The following VWDE variants were observed in gnomAD, a reference collection of about 807,000 sequenced individuals.
VWDE encodes the protein von Willebrand factor D and EGF domain-containing protein.
A neutral mutation model predicts 178.4 loss-of-function variants in VWDE; 207 were observed. The observed-to-expected ratio is 1.16, with a 90% confidence interval of 1.04 to 1.30. VWDE has a LOEUF of 1.30. Ranked by LOEUF, VWDE falls within the 50% of genes most tolerant of loss-of-function variation. VWDE has a pLI of 0.00. For synonymous variants in VWDE, 738 were observed against 651.4 expected (o/e 1.13, Z -2.02); for missense variants, 2,287 against 1,901.3 (o/e 1.20, Z -3.77).
rs1783442789 is a variant in VWDE at position 12,375,043 on chromosome 7, G to A, written c.1209C>T (p.Phe403=). 2 of 1,551,040 alleles carry A rather than the reference G, an allele frequency of 1.3e-6. No homozygotes were observed. The highest frequency in any genetic ancestry group is 1.2e-5 in the South Asian group (1 of 84,050). The change falls in exon 8 of 29, where the codon TTC becomes TTT. Residue 403 remains phenylalanine (F), a synonymous_variant. Transcript: ENST00000275358. ...TGTCTGGAATGTAGTTGTTCCACAGGAAATCCTCATTAACTATTGGTTGCA... is the reference window on the plus strand; with the variant it reads ...TGTCTGGAATGTAGTTGTTCCACAGAAAATCCTCATTAACTATTGGTTGCA... ...IVVQPIVNED[F]LWNNYIPDSI... is the part of the protein sequence containing the mutation.
In VWDE at chr7:12,361,354, T is replaced by C; in HGVS notation, c.3054+12A>G. 6.5e-7 allele frequency: 1 copy of C among 1,545,734 alleles called. No homozygotes were observed. Among genetic ancestry groups the C allele is most frequent in the Non-Finnish European group, 8.7e-7 (1 of 1,144,864 alleles). ...TTGTTTATAAATATGAAGATGTCTT[T>C]TTATTTTTTACCTTCAACTGCCACT... On this transcript the variant is annotated intron_variant, in intron 14 of 28. Coordinates refer to ENST00000275358, the MANE Select transcript of VWDE (RefSeq NM_001135924.3).
intron 7 of VWDE, among the ~76,000 whole-genome samples, chr7:12,376,110 A>G (rs1329364950): frequency 6.6e-6 from 1 of 152,000 alleles, no homozygotes; most frequent in Non-Finnish European, 1.5e-5. Context: ...TTTTTTAGAA[A>G]TATATACTTT....
intron 24 of VWDE, among the ~76,000 whole-genome samples, chr7:12,339,443 T>C (rs1485865718): frequency 6.6e-6 from 1 of 152,158 alleles, no homozygotes; most frequent in Non-Finnish European, 1.5e-5. Flanking sequence ...CTTTACTTCT[T>C]TCTGTTTCTC....
chr7:12,355,985 A>C (rs1303163876), intron 18 of VWDE, 126 bp downstream of exon 18: 2 of 771,104 alleles, frequency 2.6e-6, no homozygotes, highest in African/African-American at 1.8e-5. Context: ...TATTTGTAAT[A>C]ACTTTTATTA....
chr7:12,374,891 T>C, intron 8 of VWDE, 119 bp downstream of exon 8: 8 of 1,186,288 alleles, frequency 6.7e-6, no homozygotes, highest in Non-Finnish European at 9.3e-6. Context: ...GAAAATTGAA[T>C]CATTTAAAAA....
chr7:12,341,935 C>A (rs1781354998), intron 23 of VWDE, 124 bp downstream of exon 23: 2 of 628,730 alleles, frequency 3.2e-6, no homozygotes, highest in Non-Finnish European at 5.3e-6. Flanking sequence ...TCTGAAATAA[C>A]AACTTCATAC....
chr7:12,399,805 G>C (rs1188326608), intron 1 of VWDE, among the ~76,000 whole-genome samples: 1 of 151,880 alleles, frequency 6.6e-6, no homozygotes, highest in Non-Finnish European at 1.5e-5. Context: ...AACATAGTAA[G>C]ATCCTATTTC....
At chr7:12,372,738 C>T (rs1189636007) in intron 10 of VWDE, among the ~76,000 whole-genome samples, 1 of 151,928 alleles carries the variant, frequency 6.6e-6, no homozygotes, top group East Asian at 1.9e-4. Flanking sequence ...ATGAATAATC[C>T]ACCAAGTTGT....
chr7:12,357,779 C>T (rs1583299487), intron 16 of VWDE, among the ~76,000 whole-genome samples: 1 of 151,944 alleles, frequency 6.6e-6, no homozygotes, highest in Non-Finnish European at 1.5e-5. Flanking sequence ...TATATAAATA[C>T]CCATGCACTG....
chr7:12,371,805 T>TA (rs1783217993), intron 10 of VWDE, among the ~76,000 whole-genome samples: 1 of 152,132 alleles, frequency 6.6e-6, no homozygotes, highest in African/African-American at 2.4e-5. Flanking sequence ...TATTCTACTA[T>TA]ATGACATCAT....
chr7:12,400,120 G>C (rs964355257), intron 1 of VWDE, among the ~76,000 whole-genome samples: 3 of 152,056 alleles, frequency 2.0e-5, no homozygotes, highest in Non-Finnish European at 4.4e-5. Flanking sequence ...TAGTATAGGA[G>C]AAAAAGATGA....
chr7:12,398,873 T>C (rs1333400774), intron 1 of VWDE, among the ~76,000 whole-genome samples: 3 of 152,066 alleles, frequency 2.0e-5, no homozygotes, highest in Admixed American at 6.5e-5. Flanking sequence ...ATGGGAACAA[T>C]AGACACTAGG....
chr7:12,332,190 G>GAAAA lies in VWDE; in HGVS notation c.4759-997_4759-994dup, dbSNP rs1298181867. 9.1e-5 allele frequency among the ~76,000 whole-genome samples: 7 copies of GAAAA among 76,806 alleles called. No individual in the cohort carries two copies. The East Asian group carries it at 1.9e-3, about 21-fold the overall frequency. 50.4% of individuals were successfully genotyped at this position (76,806 alleles called of 152,430 possible). Reference sequence around the variant, plus strand: ...CAAAGAAATATCGAAAGCAAGTAAAGAAAAAAAAGACACCAGTGATCAACA... The same window carrying GAAAA: ...CAAAGAAATATCGAAAGCAAGTAAAGAAAAAAAAAAAAGACACCAGTGATCAACA... On this transcript the variant is annotated intron_variant, in intron 28 of 28. Coordinates refer to ENST00000275358, the MANE Select transcript of VWDE (RefSeq NM_001135924.3).
At position 12,375,184 on chromosome 7, in the gene VWDE, A is replaced by G. The variant is rs1445647508; in HGVS notation, c.1068T>C (p.His356=). ...LGLNLALSSC[H]VDLLQTSSCA... ...AGGAAGATGTCTGGAGAAGGTCCAC[A>G]TGACAGGAAGACAGTGCCAAATTTA... Residue 356 remains histidine (H), a synonymous_variant, in exon 8 of 29, where the codon CAT becomes CAC. Transcript: ENST00000275358. The G allele has an allele frequency of 6.4e-7, 1 of 1,551,208 alleles. No homozygotes were observed. Among genetic ancestry groups the G allele is most frequent in the Admixed American group, 2.0e-5 (1 of 50,988 alleles).
rs546175624 is a variant in VWDE, at chr7:12,331,998, T to A, written c.4759-801A>T. Among the ~76,000 whole-genome samples the A allele has an allele frequency of 7.2e-5, 11 of 152,216 alleles. No homozygotes were observed. The East Asian group carries it at 2.1e-3, about 29-fold the overall frequency. On this transcript the variant is annotated intron_variant, in intron 28 of 28. Coordinates refer to ENST00000275358, the MANE Select transcript of VWDE (RefSeq NM_001135924.3). ...TTTTTACCCACTATCTCAGGTTGCC[T>A]GAGGAAGAGCCAGGAGGTAGTTAGC...
At chr7:12,382,168 A>C (rs1783884262) in intron 4 of VWDE, among the ~76,000 whole-genome samples, 1 of 151,780 alleles carries the variant, frequency 6.6e-6, no homozygotes, top group Non-Finnish European at 1.5e-5. Flanking sequence ...AATTGTGTGC[A>C]ATTTGCATAG....
At position 12,386,183 on chromosome 7, in the gene VWDE, T is replaced by C. The variant is rs191090110; in HGVS notation, c.476-2582A>G. ...TTTGGTAATATTATAGGAAGATGTATAAAAATTAAATACTTTTTATGACAA... is the reference window on the plus strand; with the variant it reads ...TTTGGTAATATTATAGGAAGATGTACAAAAATTAAATACTTTTTATGACAA... On this transcript the variant is annotated intron_variant, in intron 3 of 28. Transcript: ENST00000275358. 4.4e-3 allele frequency among the ~76,000 whole-genome samples: 663 copies of C among 152,316 alleles called. 6 individuals carry two copies. The highest frequency in any genetic ancestry group is 0.014 in the Middle Eastern group (4 of 294).
intron 4 of VWDE, 24 bp downstream of exon 4, chr7:12,383,511 TA>T: frequency 6.5e-7 from 1 of 1,545,238 alleles, no homozygotes; most frequent in Non-Finnish European, 8.8e-7. Context: ...AAAACACTAT[TA>T]AAAAAGCAAA....
At chr7:12,402,210 T>C (rs1466238916) in intron 1 of VWDE, among the ~76,000 whole-genome samples, 1 of 152,216 alleles carries the variant, frequency 6.6e-6, no homozygotes, top group Non-Finnish European at 1.5e-5. Context: ...GATTGATAAA[T>C]ATGTTCTAAA....
Sources: gnomAD v4.1 joint callset for allele counts (sites outside exome capture counted in the v4.1 genomes callset) on GRCh38, gnomAD v4.1.1 for gene constraint, MANE v1.5 for transcripts, NCBI Gene and HGNC (gene_info 2026-07-23, HGNC 2026-07-21) for gene names.